Variants in CHRNA7 observed in about 807,000 individuals in gnomAD.
CHRNA7 encodes the protein neuronal acetylcholine receptor subunit alpha-7.
Under a neutral mutation model 48.0 loss-of-function variants are expected in CHRNA7, and 17 were observed. The ratio of observed to expected loss-of-function variants is 0.35; its 90% confidence interval spans 0.24 to 0.53. CHRNA7 has a LOEUF of 0.53. Among genes scored for constraint, CHRNA7 ranks in the 20% least tolerant of loss-of-function variants. CHRNA7 has a pLI of 0.92. For missense variants in CHRNA7, 155 were observed against 577.7 expected, an observed-to-expected ratio of 0.27 and a Z score of 7.50; for synonymous variants, 75 against 242.3, an observed-to-expected ratio of 0.31 and a Z score of 6.41.
intron 2 of CHRNA7, among the ~76,000 whole-genome samples, chr15:32,071,005 C>T (rs1024206682): frequency 4.6e-5 from 7 of 151,898 alleles, no homozygotes; most frequent in African/African-American, 7.3e-5. Context: ...TTTTTTATAT[C>T]GATGTCCGAT....
rs142089145 is a variant in CHRNA7 at position 32,135,924 on chromosome 15, C to G, written c.351-17983C>G. Among the ~76,000 whole-genome samples, 220 of 152,254 alleles carry G rather than the reference C, an allele frequency of 1.4e-3. 1 individual carries two copies. Among genetic ancestry groups the G allele is most frequent in the African/African-American group, 5.2e-3 (216 of 41,556 alleles). On this transcript the variant is annotated intron_variant, in intron 4 of 9. Transcript: ENST00000306901. ...AAGCCAGAAAAATAAACGAAAATAACGTCTTTTAAGTATGAAAGGAAATAA... is the reference window on the plus strand; with the variant it reads ...AAGCCAGAAAAATAAACGAAAATAAGGTCTTTTAAGTATGAAAGGAAATAA...
Position 32,127,122 on chromosome 15 carries a change from T to G in CHRNA7, c.350+15223T>G, listed in dbSNP as rs559558538. On this transcript the variant is annotated intron_variant, in intron 4 of 9. Transcript: ENST00000306901. ...TCATTGTGGCATTTCAAGAATATTT[T>G]ATGTGTAGACTAATATAGTTTGTAA... 3.3e-5 allele frequency among the ~76,000 whole-genome samples: 5 copies of G among 152,274 alleles called. No individual in the cohort carries two copies. The South Asian group carries it at 1.0e-3, about 32-fold the overall frequency.
intron 4 of CHRNA7, among the ~76,000 whole-genome samples, chr15:32,112,717 ACAGTGTGAC>A (rs2050783970): frequency 6.6e-6 from 1 of 152,220 alleles, no homozygotes; most frequent in South Asian, 2.1e-4. Context: ...GATGCAGGGA[ACAGTGTGAC>A]CAAATTGCCC....
At chr15:32,096,695 C>G (rs1051936060) in intron 2 of CHRNA7, among the ~76,000 whole-genome samples, 1 of 151,782 alleles carries the variant, frequency 6.6e-6, no homozygotes, top group East Asian at 1.9e-4. Flanking sequence ...AATGATGTTA[C>G]CCAGTAATTC....
At chr15:32,114,043 T>TATATATATATACACAC (rs58019100) in intron 4 of CHRNA7, among the ~76,000 whole-genome samples, 96 of 77,696 alleles carry the variant, frequency 1.2e-3, no homozygotes, top group Admixed American at 2.3e-3. Flanking sequence ...TATATATATA[T>TATATATATATACACAC]GTATATATAT....
intron 2 of CHRNA7, among the ~76,000 whole-genome samples, chr15:32,071,819 A>G (rs2050062839): frequency 1.1e-5 from 1 of 93,850 alleles, no homozygotes; most frequent in Non-Finnish European, 2.4e-5. Flanking sequence ...TGTGAGCCAA[A>G]TAAGCCTCTT....
At chr15:32,131,391 G>T in intron 4 of CHRNA7, among the ~76,000 whole-genome samples, 1 of 150,242 alleles carries the variant, frequency 6.7e-6, no homozygotes, top group African/African-American at 2.4e-5. Context: ...TTTTACCTTT[G>T]TTGCTCCGAT....
chr15:32,052,131 CTCTTCCTGGATCTTG>C (rs2049696821), intron 2 of CHRNA7, among the ~76,000 whole-genome samples: 1 of 152,130 alleles, frequency 6.6e-6, no homozygotes, highest in Non-Finnish European at 1.5e-5. Flanking sequence ...GGGCTCCCCT[CTCTTCCTGGATCTTG>C]TCCCTGCAAT....
At chr15:32,083,379 T>A (rs2141235350) in intron 2 of CHRNA7, among the ~76,000 whole-genome samples, 1 of 152,322 alleles carries the variant, frequency 6.6e-6, no homozygotes, top group East Asian at 1.9e-4. Context: ...GCCAGCACTT[T>A]GAAATTGGAC....
intron 2 of CHRNA7, among the ~76,000 whole-genome samples, chr15:32,055,794 A>T (rs2049777062): frequency 6.6e-6 from 1 of 152,152 alleles, no homozygotes; most frequent in South Asian, 2.1e-4. Context: ...CCTGGCTAAC[A>T]CAGTGAAACC....
intron 3 of CHRNA7, among the ~76,000 whole-genome samples, chr15:32,105,536 G>A (rs1361752283): frequency 2.6e-5 from 4 of 151,634 alleles, no homozygotes; most frequent in African/African-American, 9.7e-5. Flanking sequence ...AGGAGGAGGA[G>A]GAAATTAAAA....
intron 2 of CHRNA7, among the ~76,000 whole-genome samples, chr15:32,072,765 G>T (rs541337467): frequency 6.6e-6 from 1 of 152,230 alleles, no homozygotes; most frequent in African/African-American, 2.4e-5. Flanking sequence ...AACATAAGCC[G>T]TAAGCTTTGG....
At chr15:32,077,133 T>C (rs1377697305) in intron 2 of CHRNA7, among the ~76,000 whole-genome samples, 2 of 145,184 alleles carry the variant, frequency 1.4e-5, no homozygotes, top group African/African-American at 5.0e-5. Flanking sequence ...TTGATAGCTC[T>C]TTTTTTTTTT....
At chr15:32,046,680 T>C (rs965815279) in intron 2 of CHRNA7, among the ~76,000 whole-genome samples, 8 of 143,160 alleles carry the variant, frequency 5.6e-5, no homozygotes, top group South Asian at 2.1e-4. Flanking sequence ...TTAATTAGAT[T>C]CCATTTGTCA....
chr15:32,145,172 C>T (rs909666661), intron 4 of CHRNA7, among the ~76,000 whole-genome samples: 2 of 152,194 alleles, frequency 1.3e-5, no homozygotes, highest in South Asian at 4.1e-4. Context: ...CAGTAAGGCC[C>T]CTCAGCTGCA....
intron 4 of CHRNA7, among the ~76,000 whole-genome samples, chr15:32,133,381 A>G (rs545834528): frequency 6.6e-6 from 1 of 152,324 alleles, no homozygotes; most frequent in African/African-American, 2.4e-5. Context: ...TACAAGCTAT[A>G]AGCAGGCAGG....
At chr15:32,030,727 C>A (rs1302882175) in intron 1 of CHRNA7, 78 bp downstream of exon 1, 14 of 1,533,630 alleles carry the variant, frequency 9.1e-6, no homozygotes, top group Non-Finnish European at 1.2e-5. Flanking sequence ...GCGCCCCGCG[C>A]CTGGGCCAGG....
chr15:32,063,107 T>G (rs1316372044), intron 2 of CHRNA7, among the ~76,000 whole-genome samples: 1 of 152,160 alleles, frequency 6.6e-6, no homozygotes, highest in African/African-American at 2.4e-5. Context: ...TTACCGTGAG[T>G]GCAGCTTGCA....
intron 4 of CHRNA7, among the ~76,000 whole-genome samples, chr15:32,134,902 G>A (rs903345541): frequency 6.6e-6 from 1 of 152,208 alleles, no homozygotes; most frequent in South Asian, 2.1e-4. Context: ...TTTCCTGCGT[G>A]AATCATAGAA....
Sources: gnomAD v4.1 joint callset for allele counts (sites outside exome capture counted in the v4.1 genomes callset) on GRCh38, gnomAD v4.1.1 for gene constraint, MANE v1.5 for transcripts, NCBI Gene and HGNC (gene_info 2026-07-23, HGNC 2026-07-21) for gene names.